TENM3: variants seen among roughly 807,000 people sequenced by gnomAD.
TENM3 encodes teneurin-3.
In TENM3, 63 loss-of-function variants were observed where a neutral mutation model predicts 255.1. The ratio of observed to expected loss-of-function variants is 0.25; its 90% CI spans 0.20 to 0.30. The LOEUF (loss-of-function observed/expected upper bound fraction) is 0.30. Ranked by LOEUF, TENM3 falls within the 10% of genes least tolerant of loss-of-function variation. The probability of loss-of-function intolerance (pLI) is 1.00; values close to 1 mark genes in which losing one functional copy is unlikely to be tolerated. For synonymous variants in TENM3, 1,306 were observed against 1,322.3 expected (o/e 0.99, Z 0.27); for missense variants, 2,929 against 3,461.1 (o/e 0.85, Z 3.86).
chr4:182,170,829 GT>G (rs1457392004), intron 1 of TENM3, among the ~76,000 whole-genome samples: 2 of 152,142 alleles, frequency 1.3e-5, no homozygotes, highest in Non-Finnish European at 2.9e-5. Flanking sequence ...TAAAATTTCA[GT>G]GATGATGTAC....
At chr4:182,480,293 T>C (rs573795031) in intron 3 of TENM3, among the ~76,000 whole-genome samples, 1 of 152,200 alleles carries the variant, frequency 6.6e-6, no homozygotes, top group East Asian at 1.9e-4. Context: ...TCTAGAATTT[T>C]ACAGTAATTT....
At chr4:182,046,522 A>C in the TENM3 span, among the ~76,000 whole-genome samples, 1 of 150,286 alleles carries the variant, frequency 6.7e-6, no homozygotes, top group Admixed American at 6.7e-5. Context: ...TGGGCAATAT[A>C]GCAAGACCCC....
chr4:182,411,279 C>G (rs921265317), intron 3 of TENM3, among the ~76,000 whole-genome samples: 18 of 152,286 alleles, frequency 1.2e-4, no homozygotes, highest in African/African-American at 4.3e-4. Flanking sequence ...TTTTAGCATA[C>G]TTTGTTGCTT....
chr4:181,490,549 G>A, the TENM3 span, among the ~76,000 whole-genome samples: 1 of 152,194 alleles, frequency 6.6e-6, no homozygotes, highest in East Asian at 1.9e-4. Flanking sequence ...CGGACTAATT[G>A]CCCTAATCCC....
At chr4:182,564,381 T>TGGGCTCAAACAGTCCTCCC (rs1743543012) in intron 3 of TENM3, among the ~76,000 whole-genome samples, 1 of 151,620 alleles carries the variant, frequency 6.6e-6, no homozygotes, top group African/African-American at 2.4e-5. Flanking sequence ...CTTGAACTCC[T>TGGGCTCAAACAGTCCTCCC]GGGCTCAAAC....
At chr4:182,730,345 C>G (rs377605922) in intron 15 of TENM3, 26 bp downstream of exon 15, 32 of 1,611,458 alleles carry the variant, frequency 2.0e-5, no homozygotes, top group Non-Finnish European at 2.5e-5. Context: ...CACACTATCT[C>G]TGAAGGATTT....
chr4:182,079,440 C>T, the TENM3 span, among the ~76,000 whole-genome samples: 1 of 151,964 alleles, frequency 6.6e-6, no homozygotes, highest in Admixed American at 6.6e-5. Context: ...GGCGTGAACC[C>T]AGGAGGCAGA....
At chr4:181,552,530 T>G in the TENM3 span, among the ~76,000 whole-genome samples, 1 of 152,220 alleles carries the variant, frequency 6.6e-6, no homozygotes, top group African/African-American at 2.4e-5. Flanking sequence ...GCACTCACTA[T>G]AAAGTCCTGT....
chr4:181,493,682 T>A, the TENM3 span, among the ~76,000 whole-genome samples: 1 of 151,970 alleles, frequency 6.6e-6, no homozygotes, highest in African/African-American at 2.4e-5. Context: ...AGGCGCAGGA[T>A]ACAGTGAGCC....
chr4:182,578,602 A>G (rs1409439454), intron 3 of TENM3, among the ~76,000 whole-genome samples: 2 of 148,528 alleles, frequency 1.3e-5, no homozygotes, highest in Non-Finnish European at 2.9e-5. Flanking sequence ...TTGCTGTCAC[A>G]TGGCCCTTAA....
the TENM3 span, among the ~76,000 whole-genome samples, chr4:181,603,067 G>A: frequency 2.0e-4 from 31 of 152,082 alleles, no homozygotes; most frequent in Non-Finnish European, 3.7e-4. Flanking sequence ...CTCTCCAAAC[G>A]TTTATTAGGG....
At chr4:182,165,166 C>G (rs2149666400) in intron 1 of TENM3, among the ~76,000 whole-genome samples, 1 of 152,310 alleles carries the variant, frequency 6.6e-6, no homozygotes, top group South Asian at 2.1e-4. Context: ...TCTCAGGCAT[C>G]ATCTACTCCA....
intron 3 of TENM3, among the ~76,000 whole-genome samples, chr4:182,446,063 T>C (rs1383622677): frequency 1.3e-5 from 2 of 152,212 alleles, no homozygotes; most frequent in East Asian, 3.8e-4. Flanking sequence ...CTGTGTATCT[T>C]TTCTTGGGAA....
chr4:182,488,096 G>A (rs879761533), intron 3 of TENM3, among the ~76,000 whole-genome samples: 26 of 152,188 alleles, frequency 1.7e-4, no homozygotes, highest in Non-Finnish European at 1.5e-5. Context: ...TTGCTTGCAA[G>A]TGATGACAAA....
At chr4:182,190,744 A>G (rs1753467119) in intron 1 of TENM3, among the ~76,000 whole-genome samples, 1 of 152,216 alleles carries the variant, frequency 6.6e-6, no homozygotes, top group Non-Finnish European at 1.5e-5. Flanking sequence ...ATGATCAGTG[A>G]AATAACCCTG....
At chr4:182,386,703 C>G (rs1174323561) in intron 3 of TENM3, among the ~76,000 whole-genome samples, 1 of 152,232 alleles carries the variant, frequency 6.6e-6, no homozygotes, top group African/African-American at 2.4e-5. Context: ...AGGCCAGCGG[C>G]TGCAGAGGGT....
intron 3 of TENM3, among the ~76,000 whole-genome samples, chr4:182,546,793 A>G (rs1202386804): frequency 6.6e-6 from 1 of 152,168 alleles, no homozygotes; most frequent in African/African-American, 2.4e-5. Context: ...TGGATAATCA[A>G]AAGTGTGTCC....
At chr4:182,299,478 C>T (rs1413816715) in intron 1 of TENM3, among the ~76,000 whole-genome samples, 1 of 152,110 alleles carries the variant, frequency 6.6e-6, no homozygotes, top group African/African-American at 2.4e-5. Context: ...TTTTTAAAGG[C>T]AAAACAGAAG....
At chr4:181,641,554 G>GTGTGTATATATA in the TENM3 span, among the ~76,000 whole-genome samples, 5 of 26,908 alleles carry the variant, frequency 1.9e-4, no homozygotes, top group African/African-American at 6.2e-4. Context: ...TGGTGTGTGT[G>GTGTGTATATATA]TATATATATA....
Sources: gnomAD v4.1 joint callset for allele counts (sites outside exome capture counted in the v4.1 genomes callset) on GRCh38, gnomAD v4.1.1 for gene constraint, MANE v1.5 for transcripts, NCBI Gene and HGNC (gene_info 2026-07-23, HGNC 2026-07-21) for gene names.